The following PSD3 variants were observed in gnomAD, a reference collection of about 807,000 sequenced individuals.
PSD3 encodes the protein pleckstrin and Sec7 domain containing 3.
Under a neutral mutation model 105.5 loss-of-function variants are expected in PSD3, and 49 were observed. The observed-to-expected ratio is 0.46, with a 90% CI of 0.37 to 0.59. The LOEUF (loss-of-function observed/expected upper bound fraction) is 0.59, where lower values mean the gene tolerates loss of function less well. PSD3 is among the 20% of genes least tolerant of loss of function. PSD3 has a pLI of 0.00. For synonymous variants in PSD3, 557 were observed against 457.8 expected (o/e 1.22, Z -2.77); for missense variants, 1,561 against 1,263.8 (o/e 1.24, Z -3.57).
At chr8:18,686,037 AAAC>A (rs754605707) in intron 9 of PSD3, among the ~76,000 whole-genome samples, 22 of 152,134 alleles carry the variant, frequency 1.4e-4, no homozygotes, top group African/African-American at 3.1e-4. Flanking sequence ...ACAAACAAAC[AAAC>A]AACAACAACA....
At chr8:18,742,932 T>C (rs1804692290) in intron 9 of PSD3, among the ~76,000 whole-genome samples, 1 of 152,182 alleles carries the variant, frequency 6.6e-6, no homozygotes, top group Non-Finnish European at 1.5e-5. Context: ...AGACATCAAC[T>C]AGTTTTAAGT....
At position 18,632,403 on chromosome 8, in the gene PSD3, C is replaced by T. The variant is rs115860598; in HGVS notation, c.2410+210G>A. Among the ~76,000 whole-genome samples the T allele has an allele frequency of 4.2e-3, 642 of 152,116 alleles. 4 individuals are homozygous for T. Among genetic ancestry groups the T allele is most frequent in the African/African-American group, 0.015 (614 of 41,508 alleles). ...GAGAATGAATAAATTGAAAGGAGTT[C>T]TCCCTTTCTAAAGTTCTATAATTCT... On this transcript the variant is annotated intron_variant, in intron 11 of 15. Coordinates refer to ENST00000327040, the MANE Select transcript of PSD3 (RefSeq NM_015310.4).
intron 12 of PSD3, among the ~76,000 whole-genome samples, chr8:18,584,133 C>T (rs1802998516): frequency 6.6e-6 from 1 of 152,172 alleles, no homozygotes; most frequent in Non-Finnish European, 1.5e-5. Context: ...AGTTTATGTA[C>T]TCAACTAATA....
intron 10 of PSD3, among the ~76,000 whole-genome samples, chr8:18,644,316 G>C (rs1329572775): frequency 2.0e-5 from 3 of 152,112 alleles, no homozygotes; most frequent in Non-Finnish European, 2.9e-5. Context: ...ATATCTTACT[G>C]TATGTGGTTA....
At chr8:18,805,585 C>T (rs1586069291) in intron 4 of PSD3, among the ~76,000 whole-genome samples, 3 of 152,054 alleles carry the variant, frequency 2.0e-5, no homozygotes, top group South Asian at 2.1e-4. Context: ...AAATTTGTGT[C>T]GATTAACTTT....
chr8:19,022,382 C>G (rs538417778), intron 1 of PSD3, among the ~76,000 whole-genome samples: 2 of 152,320 alleles, frequency 1.3e-5, no homozygotes, highest in African/African-American at 4.8e-5. Context: ...CCCTCTCTCA[C>G]CCACCCTACT....
chr8:18,985,512 G>A (rs1825457343), intron 1 of PSD3, among the ~76,000 whole-genome samples: 1 of 152,126 alleles, frequency 6.6e-6, no homozygotes, highest in African/African-American at 2.4e-5. Flanking sequence ...AATGAAAGCT[G>A]CAATAAAGCT....
At chr8:18,787,495 G>T (rs1481322610) in intron 8 of PSD3, among the ~76,000 whole-genome samples, 1 of 151,996 alleles carries the variant, frequency 6.6e-6, no homozygotes, top group Non-Finnish European at 1.5e-5. Context: ...TGACAAAGTG[G>T]AAAGTTTAAA....
At chr8:18,562,266 C>A (rs904386696) in intron 14 of PSD3, among the ~76,000 whole-genome samples, 1 of 152,198 alleles carries the variant, frequency 6.6e-6, no homozygotes, top group South Asian at 2.1e-4. Context: ...GGAAGAGAAC[C>A]TGGCCACTGT....
chr8:18,831,256 C>A (rs1813658991), intron 4 of PSD3, among the ~76,000 whole-genome samples: 1 of 152,216 alleles, frequency 6.6e-6, no homozygotes, highest in Non-Finnish European at 1.5e-5. Context: ...AAATACACAC[C>A]CTTCTGCAGC....
intron 14 of PSD3, among the ~76,000 whole-genome samples, chr8:18,564,758 C>T (rs1168008340): frequency 1.3e-5 from 2 of 152,104 alleles, no homozygotes; most frequent in Non-Finnish European, 2.9e-5. Flanking sequence ...TGAAATCCCA[C>T]TGCCCGTAAG....
chr8:18,775,549 T>C (rs116782675), intron 8 of PSD3, among the ~76,000 whole-genome samples: 164 of 152,310 alleles, frequency 1.1e-3, no homozygotes, highest in African/African-American at 3.8e-3. Context: ...TCGGGTAAAA[T>C]GATATCTCCT....
chr8:18,659,289 G>T (rs897086436), intron 9 of PSD3, among the ~76,000 whole-genome samples: 1 of 152,130 alleles, frequency 6.6e-6, no homozygotes, highest in Non-Finnish European at 1.5e-5. Flanking sequence ...CTTCAGCAGG[G>T]TCTTCATTCA....
chr8:18,831,221 T>C (rs999343802), intron 4 of PSD3, among the ~76,000 whole-genome samples: 1 of 152,150 alleles, frequency 6.6e-6, no homozygotes, highest in Non-Finnish European at 1.5e-5. Context: ...CATCTCAGCT[T>C]CCTCATCTGT....
chr8:18,539,609 G>A (rs1270694375), intron 15 of PSD3, among the ~76,000 whole-genome samples: 3 of 148,978 alleles, frequency 2.0e-5, no homozygotes, highest in East Asian at 2.0e-4. Flanking sequence ...GGGCAGTGGC[G>A]CGATCTCGGC....
At chr8:18,747,420 C>G (rs774197917) in intron 9 of PSD3, among the ~76,000 whole-genome samples, 4 of 152,130 alleles carry the variant, frequency 2.6e-5, no homozygotes, top group Non-Finnish European at 4.4e-5. Flanking sequence ...ACATGACTGA[C>G]ATAATAGATG....
intron 4 of PSD3, among the ~76,000 whole-genome samples, chr8:18,824,343 A>C (rs1355134589): frequency 6.6e-6 from 1 of 152,222 alleles, no homozygotes. Context: ...GGAAGGCAAC[A>C]TGGTGAAGAG....
intron 1 of PSD3, among the ~76,000 whole-genome samples, chr8:18,954,912 C>T (rs771458021): frequency 2.6e-5 from 4 of 152,092 alleles, no homozygotes; most frequent in Admixed American, 2.0e-4. Flanking sequence ...ACTGCATCAA[C>T]TTTGTAAGTG....
chr8:18,838,733 C>T (rs570874448), intron 4 of PSD3, among the ~76,000 whole-genome samples: 41 of 151,060 alleles, frequency 2.7e-4, no homozygotes, highest in African/African-American at 9.7e-4. Context: ...ACCCGGGAGG[C>T]AGAGCTTGCA....
Sources: allele counts gnomAD v4.1 joint callset (sites outside exome capture counted in the v4.1 genomes callset), GRCh38; gene constraint gnomAD v4.1.1; transcripts MANE v1.5; gene names NCBI Gene and HGNC (gene_info 2026-07-23, HGNC 2026-07-21).